RSPO2: variants seen among roughly 807,000 people sequenced by gnomAD.
The protein encoded by RSPO2 is R-spondin 2.
In RSPO2, 14 loss-of-function variants were observed where a neutral mutation model predicts 30.9. The ratio of observed to expected loss-of-function variants is 0.45; its 90% CI spans 0.30 to 0.71. RSPO2 has a LOEUF of 0.71. Among genes scored for constraint, RSPO2 ranks in the 30% least tolerant of loss-of-function variants. The pLI, the probability that RSPO2 is intolerant of heterozygous loss-of-function variation, is 0.08. For missense variants in RSPO2, 264 were observed against 301.9 expected (o/e 0.87, Z 0.93); for synonymous variants, 107 against 96.4 (o/e 1.11, Z -0.64).
chr8:107,956,357 C>A (rs1813434084), intron 5 of RSPO2, among the ~76,000 whole-genome samples: 1 of 152,100 alleles, frequency 6.6e-6, no homozygotes, highest in South Asian at 2.1e-4. Flanking sequence ...GGTAAAACTT[C>A]AGTAAGAATT....
rs35990028 is a variant in RSPO2, at chr8:107,914,462, T to TA, written c.617-13273dup. On this transcript the variant is annotated intron_variant, in intron 5 of 5. Coordinates refer to ENST00000276659, the MANE Select transcript of RSPO2 (RefSeq NM_178565.5). ...AAGATGTCAATGCTCACAGAATAGG[T>TA]AAAAAAAAAAAAATACCTTTTAACA... Among the ~76,000 whole-genome samples the TA allele has an allele frequency of 7.8e-3, 1,108 of 142,882 alleles. 7 individuals are homozygous for TA. The highest frequency in any genetic ancestry group is 0.013 in the African/African-American group (496 of 39,144). The allele number at this position is 142,882 out of a possible 152,430, so 93.7% of individuals were successfully genotyped here.
intron 2 of RSPO2, among the ~76,000 whole-genome samples, chr8:108,065,356 G>C (rs1369519916): frequency 6.6e-6 from 1 of 150,632 alleles, no homozygotes; most frequent in East Asian, 2.0e-4. Context: ...CACACCTCCA[G>C]TGTTGTCTTA....
rs139133091 is a variant in RSPO2 at position 107,994,141 on chromosome 8, G to A, written c.95-4897C>T. 2.0e-4 allele frequency among the ~76,000 whole-genome samples: 30 copies of A among 152,176 alleles called. 1 individual carries two copies. The East Asian group carries it at 5.4e-3, about 27-fold the overall frequency. ...TCGCTAAAGGGGTTGATGGAAATGT[G>A]CTATATCTTGCCTGGATTTTGGTTA... On this transcript the variant is annotated intron_variant, in intron 2 of 5. Transcript: ENST00000276659.
intron 2 of RSPO2, among the ~76,000 whole-genome samples, chr8:108,036,707 GT>G (rs1288595718): frequency 6.6e-6 from 1 of 152,170 alleles, no homozygotes; most frequent in East Asian, 1.9e-4. Flanking sequence ...GAAGGTTGTT[GT>G]TTTATATATT....
intron 2 of RSPO2, among the ~76,000 whole-genome samples, chr8:108,059,484 C>T (rs1440342751): frequency 6.6e-6 from 1 of 151,458 alleles, no homozygotes; most frequent in Non-Finnish European, 1.5e-5. Context: ...CCATTTGACC[C>T]AGCCATCCCA....
chr8:107,979,943 G>A (rs992867354), intron 3 of RSPO2, among the ~76,000 whole-genome samples: 19 of 152,144 alleles, frequency 1.2e-4, no homozygotes, highest in Admixed American at 9.2e-4. Context: ...TCTACAACAA[G>A]AGCATTATAT....
Position 107,960,966 on chromosome 8 carries a change from C to T in RSPO2, c.284-149G>A, listed in dbSNP as rs548012245. On this transcript the variant is annotated intron_variant, in intron 3 of 5. Coordinates refer to ENST00000276659, the MANE Select transcript of RSPO2 (RefSeq NM_178565.5). ...GTTTAACTCATTTGTTTCCTAGCGCCATCTCATTCTAAGTCATCCCTGTCT... is the reference window on the plus strand; with the variant it reads ...GTTTAACTCATTTGTTTCCTAGCGCTATCTCATTCTAAGTCATCCCTGTCT... The T allele has an allele frequency of 5.7e-5, 36 of 629,496 alleles. No individual in the cohort carries two copies. In the African/African-American group the frequency reaches 6.5e-4, roughly 11 times the overall value. 39.0% of individuals were successfully genotyped at this position (629,496 alleles called of 1,614,324 possible).
In RSPO2 at chr8:108,078,757, C is replaced by T. The variant is rs916932510; in HGVS notation, c.94+3788G>A. Among the ~76,000 whole-genome samples the T allele has an allele frequency of 2.6e-5, 4 of 152,100 alleles. No homozygotes were observed. The East Asian group carries it at 7.7e-4, about 29-fold the overall frequency. On this transcript the variant is annotated intron_variant, in intron 2 of 5. Transcript: ENST00000276659. The stretch of plus-strand genomic sequence containing the variant: ...AGCTGAGGATTCAGTACGGAAAAGG[C>T]TACGGAAAGAAACACTAGTCATAGC...
intron 3 of RSPO2, among the ~76,000 whole-genome samples, chr8:107,973,370 ATGGTTTAAGGTACAG>A (rs1386480441): frequency 2.7e-5 from 4 of 148,908 alleles, no homozygotes; most frequent in African/African-American, 1.0e-4. Flanking sequence ...TCTGTATTAC[ATGGTTTAAGGTACAG>A]TTGACCCTTG....
chr8:108,074,183 T>G (rs1812938218), intron 2 of RSPO2, among the ~76,000 whole-genome samples: 2 of 152,236 alleles, frequency 1.3e-5, no homozygotes, highest in Admixed American at 1.3e-4. Flanking sequence ...ATTTTATAAG[T>G]GCTCTTAGTA....
chr8:108,064,715 C>T (rs1045224219), intron 2 of RSPO2, among the ~76,000 whole-genome samples: 2 of 152,178 alleles, frequency 1.3e-5, no homozygotes, highest in African/African-American at 4.8e-5. Context: ...TATAAAGACA[C>T]ATGCACACGT....
chr8:107,921,120 G>A (rs537400586), intron 5 of RSPO2, among the ~76,000 whole-genome samples: 156 of 152,100 alleles, frequency 1.0e-3, no homozygotes, highest in Non-Finnish European at 1.9e-3. Context: ...AAACACTGAA[G>A]GAATTTTTTG....
chr8:107,938,143 A>C (rs75548951), intron 5 of RSPO2, among the ~76,000 whole-genome samples: 1 of 152,264 alleles, frequency 6.6e-6, no homozygotes, highest in Non-Finnish European at 1.5e-5. Context: ...CATTAAGCTA[A>C]AAATTTTAGT....
At chr8:108,056,623 CAAAAAA>C (rs56256415) in intron 2 of RSPO2, among the ~76,000 whole-genome samples, 19,607 of 71,674 alleles carry the variant, frequency 0.27, 1,687 homozygotes, top group East Asian at 0.5. Context: ...AGACCCGTCT[CAAAAAA>C]AAAAAAAAAA....
chr8:107,930,987 A>G (rs1031751208), intron 5 of RSPO2, among the ~76,000 whole-genome samples: 4 of 152,180 alleles, frequency 2.6e-5, no homozygotes, highest in African/African-American at 9.7e-5. Context: ...AACTGTGCTA[A>G]TTTGTTTCAG....
At chr8:107,923,137 T>C (rs745697946) in intron 5 of RSPO2, among the ~76,000 whole-genome samples, 26 of 151,870 alleles carry the variant, frequency 1.7e-4, no homozygotes, top group Non-Finnish European at 3.2e-4. Flanking sequence ...TAGAGTAAAA[T>C]AGACAACCTC....
intron 5 of RSPO2, among the ~76,000 whole-genome samples, chr8:107,937,971 C>T (rs1488758739): frequency 6.6e-6 from 1 of 152,030 alleles, no homozygotes; most frequent in African/African-American, 2.4e-5. Context: ...TGTTAGTCTA[C>T]TGAAAATCCT....
chr8:108,024,220 A>G (rs1811136508), intron 2 of RSPO2, among the ~76,000 whole-genome samples: 1 of 152,196 alleles, frequency 6.6e-6, no homozygotes, highest in African/African-American at 2.4e-5. Context: ...AATGAAATAA[A>G]AATATTAACC....
At chr8:108,042,455 A>T (rs1009019579) in intron 2 of RSPO2, among the ~76,000 whole-genome samples, 3 of 152,296 alleles carry the variant, frequency 2.0e-5, no homozygotes, top group Admixed American at 6.5e-5. Flanking sequence ...AGTCTTCACA[A>T]GAGGAAGATT....
Sources: gnomAD v4.1 joint callset for allele counts (sites outside exome capture counted in the v4.1 genomes callset) on GRCh38, gnomAD v4.1.1 for gene constraint, MANE v1.5 for transcripts, NCBI Gene and HGNC (gene_info 2026-07-23, HGNC 2026-07-21) for gene names.